CNTNAP3B: variants seen among roughly 807,000 people sequenced by gnomAD.
CNTNAP3B encodes contactin-associated protein-like 3B.
CNTNAP3B carries 25 observed loss-of-function variants against 108.9 expected under a neutral mutation model. The observed-to-expected ratio is 0.23, with a 90% CI of 0.17 to 0.32. The LOEUF (loss-of-function observed/expected upper bound fraction) is 0.32. CNTNAP3B is among the 10% of genes least tolerant of loss of function. CNTNAP3B has a pLI of 1.00. For missense variants in CNTNAP3B, 252 were observed against 1,210.4 expected, an observed-to-expected ratio of 0.21 and a Z score of 11.75; for synonymous variants, 103 against 473.4, an observed-to-expected ratio of 0.22 and a Z score of 10.16.
intron 12 of CNTNAP3B, among the ~76,000 whole-genome samples, chr9:41,957,906 A>T (rs1322905443): frequency 4.0e-5 from 6 of 151,116 alleles, no homozygotes; most frequent in Non-Finnish European, 8.9e-5. Flanking sequence ...GACTACAGGC[A>T]CCCGCCACTA....
intron 3 of CNTNAP3B, among the ~76,000 whole-genome samples, chr9:42,068,213 A>G (rs1246704374): frequency 1.6e-5 from 1 of 62,450 alleles, no homozygotes; most frequent in Non-Finnish European, 2.9e-5. Flanking sequence ...GGGGAACTAG[A>G]GAGATATCTG....
chr9:42,015,622 G>A (rs1267349139), intron 3 of CNTNAP3B, among the ~76,000 whole-genome samples: 2 of 47,264 alleles, frequency 4.2e-5, no homozygotes, highest in Non-Finnish European at 8.1e-5. Flanking sequence ...CACCACCTGC[G>A]TGGAGGTGGC....
rs1386288152 is a variant in CNTNAP3B, at chr9:42,087,512, T to C, written c.197-10450A>G. Among the ~76,000 whole-genome samples, 3 of 140,940 alleles carry C rather than the reference T, an allele frequency of 2.1e-5. 1 individual carries two copies. Among genetic ancestry groups the C allele is most frequent in the African/African-American group, 8.1e-5 (3 of 36,962 alleles). 92.5% of individuals were successfully genotyped at this position (140,940 alleles called of 152,430 possible). On this transcript the variant is annotated intron_variant, in intron 2 of 23. Transcript: ENST00000377561. ...CTGCAATACAAGTCTGCTATGAGTG[T>C]AATATTCATACGTGCCCTATTGCAT...
In CNTNAP3B at chr9:42,115,229, C is replaced by T. The variant is rs1222804768; in HGVS notation, c.86-10490G>A. Among the ~76,000 whole-genome samples the T allele has an allele frequency of 1.5e-5, 2 of 137,426 alleles. 1 individual carries two copies. Among genetic ancestry groups the T allele is most frequent in the African/African-American group, 5.8e-5 (2 of 34,402 alleles). 90.2% of individuals were successfully genotyped at this position (137,426 alleles called of 152,430 possible). On this transcript the variant is annotated intron_variant, in intron 1 of 23. Coordinates refer to ENST00000377561, the MANE Select transcript of CNTNAP3B (RefSeq NM_001201380.3). ...AAGAAGCTGCACTCTTTTGACAAAG[C>T]TCATAAGGCTAAGAAAATAGACAGG...
chr9:42,060,204 A>G (rs1827150977), intron 3 of CNTNAP3B, among the ~76,000 whole-genome samples: 1 of 138,488 alleles, frequency 7.2e-6, no homozygotes, highest in Non-Finnish European at 1.5e-5. Flanking sequence ...TGTCCTCTTT[A>G]CAACCAATAT....
chr9:42,121,847 A>G (rs1181019143), intron 1 of CNTNAP3B, among the ~76,000 whole-genome samples: 1 of 140,636 alleles, frequency 7.1e-6, no homozygotes, highest in Admixed American at 7.1e-5. Flanking sequence ...ATTTTAACCT[A>G]CTTGCAAGCT....
At position 42,124,193 on chromosome 9, in the gene CNTNAP3B, C is replaced by T. The variant is rs1564201897; in HGVS notation, c.85+4817G>A. 1.5e-5 allele frequency among the ~76,000 whole-genome samples: 2 copies of T among 135,154 alleles called. 1 individual carries two copies. Among genetic ancestry groups the T allele is most frequent in the East Asian group, 4.6e-4 (2 of 4,374 alleles). The allele number at this position is 135,154 out of a possible 152,430, so 88.7% of individuals were successfully genotyped here. A position where few individuals can be genotyped will look rare whatever the true frequency, so the allele number is the denominator to read the frequency against. On this transcript the variant is annotated intron_variant, in intron 1 of 23. Transcript: ENST00000377561. ...ATGTTTTTAGATTTCAATCACTCTTCGTATTATTACAACAAAAATGTTCAT... is the reference window on the plus strand; with the variant it reads ...ATGTTTTTAGATTTCAATCACTCTTTGTATTATTACAACAAAAATGTTCAT...
At chr9:41,962,664 G>A (rs1189325941) in intron 11 of CNTNAP3B, among the ~76,000 whole-genome samples, 13 of 142,706 alleles carry the variant, frequency 9.1e-5, no homozygotes, top group South Asian at 2.2e-4. Flanking sequence ...CCTAGAAAAT[G>A]TGTCACAGCG....
At chr9:41,945,396 G>C (rs1419364318) in intron 13 of CNTNAP3B, among the ~76,000 whole-genome samples, 1 of 152,304 alleles carries the variant, frequency 6.6e-6, no homozygotes, top group African/African-American at 2.4e-5. Context: ...ACTGGATTAA[G>C]AAAATGTGGC....
At chr9:42,074,808 C>T (rs1251377948) in intron 3 of CNTNAP3B, among the ~76,000 whole-genome samples, 100 of 138,638 alleles carry the variant, frequency 7.2e-4, no homozygotes, top group African/African-American at 2.8e-3. Flanking sequence ...TCAAAAAAGG[C>T]ATCCTGGGAG....
chr9:41,916,165 G>T (rs1194669945), intron 18 of CNTNAP3B, among the ~76,000 whole-genome samples: 2 of 146,704 alleles, frequency 1.4e-5, no homozygotes, highest in African/African-American at 5.1e-5. Context: ...CTCTTTCTTT[G>T]TTCCTCTGAC....
rs1398630734 is a variant in CNTNAP3B, at chr9:41,929,386, T to C, written c.2296A>G (p.Met766Val). 2.9e-5 allele frequency: 45 copies of C among 1,544,144 alleles called. 6 individuals are homozygous for C. Among genetic ancestry groups the C allele is most frequent in the Non-Finnish European group, 3.8e-5 (43 of 1,139,362 alleles). Residue 766 changes from methionine to valine, a missense_variant, in exon 15 of 24, where the codon ATG becomes GTG. Physicochemically the swap from Met to Val is conservative, Grantham distance 21. Transcript: ENST00000377561. ...GAATGTGGTTGGCCTGTGTCTGTCA[T>C]CACAATCTGAGTGACTGGGAGGTGC... Reference protein sequence around the residue: ...KEHLPVTQIVMTDTGQPHSEA... With the variant: ...KEHLPVTQIVVTDTGQPHSEA...
chr9:41,929,216 T>C, intron 15 of CNTNAP3B, 101 bp downstream of exon 15: 1 of 1,432,574 alleles, frequency 7.0e-7, no homozygotes, highest in Non-Finnish European at 9.2e-7. Context: ...GTCCTAGTAC[T>C]GCCACTATTC....
intron 13 of CNTNAP3B, among the ~76,000 whole-genome samples, chr9:41,939,554 G>C (rs1338565017): frequency 6.6e-6 from 1 of 152,282 alleles, no homozygotes; most frequent in Non-Finnish European, 1.5e-5. Flanking sequence ...AGAGGGATTA[G>C]TACCAGGAAT....
chr9:41,923,827 C>T (rs1823733607), intron 16 of CNTNAP3B, 96 bp downstream of exon 16: 1 of 1,515,640 alleles, frequency 6.6e-7, no homozygotes, highest in African/African-American at 1.4e-5. Flanking sequence ...GAAATAGAAT[C>T]ACAAAGTAAG....
intron 7 of CNTNAP3B, among the ~76,000 whole-genome samples, chr9:41,995,730 CAAAA>C (rs1167589988): frequency 4.5e-5 from 3 of 66,394 alleles, no homozygotes; most frequent in Admixed American, 1.7e-4. Context: ...GACTCCGTCT[CAAAA>C]AAAAAAAAAA....
Position 42,043,031 on chromosome 9 carries a change from C to T in CNTNAP3B, c.391-29506G>A, listed in dbSNP as rs559464455. On this transcript the variant is annotated intron_variant, in intron 3 of 23. Coordinates refer to ENST00000377561, the MANE Select transcript of CNTNAP3B (RefSeq NM_001201380.3). ...TCATCATAGCTTATGTTTTTGAGCA[C>T]TTCCCACATACTTCCTTAAGCCCTT... Among the ~76,000 whole-genome samples, 203 of 149,910 alleles carry T rather than the reference C, an allele frequency of 1.4e-3. 5 individuals carry two copies. Among genetic ancestry groups the T allele is most frequent in the African/African-American group, 4.9e-3 (198 of 40,014 alleles).
At chr9:41,935,725 A>T (rs1824137286) in intron 14 of CNTNAP3B, among the ~76,000 whole-genome samples, 1 of 152,268 alleles carries the variant, frequency 6.6e-6, no homozygotes, top group African/African-American at 2.4e-5. Flanking sequence ...GCTGCAAAGT[A>T]AATAAAATAA....
intron 2 of CNTNAP3B, among the ~76,000 whole-genome samples, chr9:42,103,262 A>G (rs1347915218): frequency 4.0e-5 from 6 of 148,158 alleles, no homozygotes; most frequent in African/African-American, 1.6e-4. Context: ...GAAATCACAG[A>G]CTTAAGAAAA....
Sources: gnomAD v4.1 joint callset for allele counts (sites outside exome capture counted in the v4.1 genomes callset) on GRCh38, gnomAD v4.1.1 for gene constraint, MANE v1.5 for transcripts, NCBI Gene and HGNC (gene_info 2026-07-23, HGNC 2026-07-21) for gene names.